The following SNX18 variants were observed in gnomAD, a reference collection of about 807,000 sequenced individuals.
SNX18 encodes sorting nexin 18.
In SNX18, 35 loss-of-function variants were observed where a neutral mutation model predicts 48.7. That is an observed-to-expected ratio of 0.72 (90% CI 0.55 to 0.95). The LOEUF (loss-of-function observed/expected upper bound fraction) is 0.95. Among genes scored for constraint, SNX18 ranks in the 40% least tolerant of loss-of-function variants. The probability of loss-of-function intolerance (pLI) is 0.00; values close to 1 mark genes in which losing one functional copy is unlikely to be tolerated. For synonymous variants in SNX18, 492 were observed against 384.7 expected, an observed-to-expected ratio of 1.28 and a Z score of -3.26; for missense variants, 824 against 871.0, an observed-to-expected ratio of 0.95 and a Z score of 0.68.
At chr5:54,637,812 A>G in the SNX18 span, among the ~76,000 whole-genome samples, 3 of 152,208 alleles carry the variant, frequency 2.0e-5, no homozygotes, top group African/African-American at 7.2e-5. Flanking sequence ...CATACTCTAC[A>G]TGACCTTGCA....
the SNX18 span, among the ~76,000 whole-genome samples, chr5:54,636,941 A>G: frequency 1.9e-4 from 29 of 152,174 alleles, no homozygotes; most frequent in Non-Finnish European, 4.1e-4. Flanking sequence ...CCATCTCCAC[A>G]TGTGTCCTCA....
chr5:54,612,740 C>T, the SNX18 span, among the ~76,000 whole-genome samples: 6 of 152,270 alleles, frequency 3.9e-5, no homozygotes, highest in African/African-American at 1.2e-4. Context: ...CACTGTCACC[C>T]GAGCCATGTT....
the SNX18 span, among the ~76,000 whole-genome samples, chr5:54,578,269 G>A: frequency 6.6e-6 from 1 of 152,194 alleles, no homozygotes; most frequent in Non-Finnish European, 1.5e-5. Context: ...ATTACCTCTG[G>A]CGAACAGAGA....
At chr5:54,565,790 C>T in the SNX18 span, among the ~76,000 whole-genome samples, 6 of 152,052 alleles carry the variant, frequency 3.9e-5, no homozygotes, top group East Asian at 1.9e-4. Flanking sequence ...ATGGATAGGG[C>T]GAGGGGTAAA....
At chr5:54,630,049 G>A in the SNX18 span, among the ~76,000 whole-genome samples, 5 of 152,192 alleles carry the variant, frequency 3.3e-5, no homozygotes, top group South Asian at 2.1e-4. Context: ...GATTTGAACC[G>A]AGAGTTTGGT....
chr5:54,632,266 G>A, the SNX18 span, among the ~76,000 whole-genome samples: 2 of 152,204 alleles, frequency 1.3e-5, no homozygotes, highest in African/African-American at 4.8e-5. Flanking sequence ...GCAGACGCCA[G>A]GGGAGTGGAT....
At chr5:54,642,860 A>G in the SNX18 span, among the ~76,000 whole-genome samples, 7 of 152,172 alleles carry the variant, frequency 4.6e-5, no homozygotes, top group Non-Finnish European at 1.0e-4. Flanking sequence ...CTCAACATAC[A>G]TATTTAATGG....
At chr5:54,538,847 G>GA (rs1167551922) in intron 1 of SNX18, among the ~76,000 whole-genome samples, 2 of 152,060 alleles carry the variant, frequency 1.3e-5, no homozygotes, top group Non-Finnish European at 2.9e-5. Flanking sequence ...GTGGATCTGG[G>GA]AAAAAATCAA....
At chr5:54,559,743 A>G in the SNX18 span, among the ~76,000 whole-genome samples, 2 of 152,238 alleles carry the variant, frequency 1.3e-5, no homozygotes, top group Non-Finnish European at 2.9e-5. Context: ...GAGCTTCTGT[A>G]CAGCAAAAGA....
the SNX18 span, among the ~76,000 whole-genome samples, chr5:54,587,014 C>T: frequency 1.3e-5 from 2 of 151,360 alleles, no homozygotes; most frequent in Admixed American, 1.3e-4. Context: ...CTGAGCAGCC[C>T]CTCTTTTAGG....
chr5:54,607,163 C>T, the SNX18 span, among the ~76,000 whole-genome samples: 2 of 152,090 alleles, frequency 1.3e-5, no homozygotes, highest in East Asian at 3.9e-4. Context: ...TTTTATACCC[C>T]ACTCTTCTCA....
chr5:54,604,755 G>A, the SNX18 span, among the ~76,000 whole-genome samples: 3 of 152,142 alleles, frequency 2.0e-5, no homozygotes, highest in African/African-American at 7.2e-5. Context: ...TTAAAAAATG[G>A]TTAAAATGGC....
the SNX18 span, among the ~76,000 whole-genome samples, chr5:54,616,422 T>C: frequency 1.3e-5 from 2 of 152,284 alleles, no homozygotes; most frequent in African/African-American, 2.4e-5. Flanking sequence ...TTACATTAAC[T>C]ATTCACTCTG....
At chr5:54,567,214 TGTGTGTGTGTGTGTGC>T in the SNX18 span, among the ~76,000 whole-genome samples, 1 of 147,630 alleles carries the variant, frequency 6.8e-6, no homozygotes, top group Non-Finnish European at 1.5e-5. Flanking sequence ...TGTGTGTGTA[TGTGTGTGTGTGTGTGC>T]GTGTGTGTGT....
the SNX18 span, among the ~76,000 whole-genome samples, chr5:54,556,983 C>T: frequency 6.6e-6 from 1 of 152,178 alleles, no homozygotes; most frequent in South Asian, 2.1e-4. Flanking sequence ...CAGCATTTTT[C>T]ATCTGCTTTA....
At chr5:54,619,304 A>T in the SNX18 span, among the ~76,000 whole-genome samples, 1 of 152,156 alleles carries the variant, frequency 6.6e-6, no homozygotes, top group African/African-American at 2.4e-5. Flanking sequence ...TGAGCTCAGG[A>T]GTTTGAGACC....
chr5:54,645,331 A>C, the SNX18 span: 1 of 152,258 alleles, frequency 6.6e-6, no homozygotes, highest in East Asian at 1.9e-4. Context: ...CTAACAAGGG[A>C]GACATATAGA....
chr5:54,552,401 T>A, the SNX18 span, among the ~76,000 whole-genome samples: 9 of 152,192 alleles, frequency 5.9e-5, no homozygotes, highest in Non-Finnish European at 1.2e-4. Flanking sequence ...TCTGAAGCCC[T>A]TAATAAGATG....
chr5:54,562,644 A>G, the SNX18 span, among the ~76,000 whole-genome samples: 1 of 152,316 alleles, frequency 6.6e-6, no homozygotes, highest in African/African-American at 2.4e-5. Context: ...GGATAACACA[A>G]CTACGTACAG....
Sources: gnomAD v4.1 joint callset for allele counts (sites outside exome capture counted in the v4.1 genomes callset) on GRCh38, gnomAD v4.1.1 for gene constraint, MANE v1.5 for transcripts, NCBI Gene and HGNC (gene_info 2026-07-23, HGNC 2026-07-21) for gene names.